MAP3K2: variants seen among roughly 807,000 people sequenced by gnomAD.
The protein encoded by MAP3K2 is mitogen-activated protein kinase kinase kinase 2, also known as MAP/ERK kinase kinase 2.
Under a neutral mutation model 80.3 loss-of-function variants are expected in MAP3K2, and 24 were observed. That is an observed-to-expected ratio of 0.30 (90% CI 0.22 to 0.42). The LOEUF (loss-of-function observed/expected upper bound fraction) is 0.42, where lower values mean the gene tolerates loss of function less well. Among genes scored for constraint, MAP3K2 ranks in the 10% least tolerant of loss-of-function variants. MAP3K2 has a pLI of 1.00. For synonymous variants in MAP3K2, 244 were observed against 253.7 expected (o/e 0.96, Z 0.36); for missense variants, 608 against 750.1 (o/e 0.81, Z 2.21).
chr2:127,312,851 C>A (rs1685833881), intron 15 of MAP3K2, among the ~76,000 whole-genome samples: 1 of 151,776 alleles, frequency 6.6e-6, no homozygotes, highest in African/African-American at 2.4e-5. Flanking sequence ...AGTCCCAGCT[C>A]CTAGGGAAGA....
chr2:127,349,352 T>C (rs1573996935), intron 1 of MAP3K2, among the ~76,000 whole-genome samples: 1 of 152,106 alleles, frequency 6.6e-6, no homozygotes, highest in Non-Finnish European at 1.5e-5. Flanking sequence ...TGTTTTTTTA[T>C]ATGGCGTCTC....
intron 1 of MAP3K2, among the ~76,000 whole-genome samples, chr2:127,384,997 A>C (rs1482756356): frequency 6.6e-6 from 1 of 152,220 alleles, no homozygotes; most frequent in Non-Finnish European, 1.5e-5. Flanking sequence ...ATATTATTGA[A>C]GTAGCAACAA....
rs769495029 is a variant in MAP3K2, at chr2:127,318,163, T to G, written c.1194+6A>C. 31 of 1,579,154 alleles carry G rather than the reference T, an allele frequency of 2.0e-5. No homozygotes were observed. Among genetic ancestry groups the G allele is most frequent in the Non-Finnish European group, 2.6e-5 (30 of 1,166,830 alleles). On this transcript the variant is annotated splice_donor_region_variant and intron_variant, in intron 13 of 16. Coordinates refer to ENST00000682094, the MANE Select transcript of MAP3K2 (RefSeq NM_001371910.2). ...GTGACAAAGTAATTTGTGCAGTGAT[T>G]TTTACCTTGCTGGTCTCAGGACTAT...
In MAP3K2 at chr2:127,310,591, C is replaced by T. The variant is rs905271816; in HGVS notation, c.1457-1829G>A. On this transcript the variant is annotated intron_variant, in intron 15 of 16. Coordinates refer to ENST00000682094, the MANE Select transcript of MAP3K2 (RefSeq NM_001371910.2). This position sits in a 1 kb window ranked among gnomAD's most constrained non-coding sequence, Gnocchi z 4.8. ...GCTTAAGCCCAGAGGGCCAAGGCTG[C>T]GGTGAACTGAGATCATGCCACTGCA... 1.3e-5 allele frequency among the ~76,000 whole-genome samples: 2 copies of T among 152,222 alleles called. No individual in the cohort carries two copies. Among genetic ancestry groups the T allele is most frequent in the East Asian group, 1.9e-4 (1 of 5,184 alleles).
intron 1 of MAP3K2, among the ~76,000 whole-genome samples, chr2:127,343,507 C>A (rs890763816): frequency 6.6e-6 from 1 of 152,102 alleles, no homozygotes; most frequent in African/African-American, 2.4e-5. Flanking sequence ...CAGCCAAAGG[C>A]TAACTCCTAA....
At chr2:127,338,056 T>A (rs182787264) in intron 3 of MAP3K2, among the ~76,000 whole-genome samples, 4 of 152,196 alleles carry the variant, frequency 2.6e-5, no homozygotes, top group African/African-American at 9.7e-5. Context: ...GATCCTGTTA[T>A]GGGAAATACA....
At chr2:127,373,841 C>T (rs1237791190) in intron 1 of MAP3K2, among the ~76,000 whole-genome samples, 1 of 152,174 alleles carries the variant, frequency 6.6e-6, no homozygotes, top group Non-Finnish European at 1.5e-5. Context: ...ACCCTGATAT[C>T]ATCAGGATTC....
chr2:127,304,778 C>A lies in MAP3K2; in HGVS notation c.*2801G>T, dbSNP rs1010412245. 1.3e-5 allele frequency: 2 copies of A among 152,458 alleles called. No individual in the cohort carries two copies. The highest frequency in any genetic ancestry group is 4.1e-4 in the South Asian group (2 of 4,826). The allele number at this position is 152,458 out of a possible 1,614,324, so 9.4% of individuals were successfully genotyped here. A position where few individuals can be genotyped will look rare whatever the true frequency, so the allele number is the denominator to read the frequency against. ...TTTCTTTTTTAAATTTACTTTTGGT[C>A]TTCCATACCCTCCACCCCCACACCT... On this transcript the variant is annotated 3_prime_UTR_variant, in exon 17 of 17. Coordinates refer to ENST00000682094, the MANE Select transcript of MAP3K2 (RefSeq NM_001371910.2).
upstream of MAP3K2, chr2:127,388,044 C>G (rs972925482): frequency 9.2e-6 from 9 of 983,094 alleles, no homozygotes; most frequent in Admixed American, 1.2e-4. Flanking sequence ...CCGGCGGTAG[C>G]GGAACCCGCC....
In MAP3K2 at chr2:127,308,822, A is replaced by G. The variant is rs1269096000; in HGVS notation, c.1457-60T>C. On this transcript the variant is annotated intron_variant, in intron 15 of 16. Coordinates refer to ENST00000682094, the MANE Select transcript of MAP3K2 (RefSeq NM_001371910.2). ...TATTGGCAGTCTCGAATATAGCATA[A>G]AAGAACAATGGCAGAGAATTACTTC... 15 of 1,520,884 alleles carry G rather than the reference A, an allele frequency of 9.9e-6. No individual in the cohort carries two copies. In the African/African-American group the frequency reaches 1.1e-4, roughly 11 times the overall value. The allele number at this position is 1,520,884 out of a possible 1,614,324, so 94.2% of individuals were successfully genotyped here.
At position 127,325,770 on chromosome 2, in the gene MAP3K2, G is replaced by A. The variant is rs1167257235; in HGVS notation, c.635C>T (p.Ser212Phe). ...DPLSLSSPEN[S>F]GSGSCPSLDS... The stretch of plus-strand genomic sequence containing the variant: ...AAGTGATGGACAACTTCCTGAGCCA[G>A]AATTTTCAGGGCTGCTTAAAGATAA... Residue 212 changes from serine to phenylalanine, a missense_variant, in exon 9 of 17, where the codon TCT becomes TTT. Transcript: ENST00000682094. 4 of 1,613,434 alleles carry A rather than the reference G, an allele frequency of 2.5e-6. No individual in the cohort carries two copies. The highest frequency in any genetic ancestry group is 3.4e-6 in the Non-Finnish European group (4 of 1,179,598).
chr2:127,370,862 G>A (rs1032214846), intron 1 of MAP3K2, among the ~76,000 whole-genome samples: 3 of 152,130 alleles, frequency 2.0e-5, no homozygotes, highest in African/African-American at 4.8e-5. Flanking sequence ...CCTCAGCCCC[G>A]CTATCACCGG....
chr2:127,388,215 C>G (rs1250224342), upstream of MAP3K2: 3 of 983,744 alleles, frequency 3.0e-6, no homozygotes, highest in Non-Finnish European at 3.6e-6. Flanking sequence ...CCGGGGCAGC[C>G]TGTGCTGTTC....
At chr2:127,350,668 GT>G (rs1267912467) in intron 1 of MAP3K2, among the ~76,000 whole-genome samples, 2 of 152,030 alleles carry the variant, frequency 1.3e-5, no homozygotes, top group Admixed American at 1.3e-4. Flanking sequence ...GCTAAAGCTA[GT>G]GGATGAAAAG....
intron 1 of MAP3K2, 22 bp downstream of exon 1, chr2:127,387,430 G>GCGCA (rs1327199141): frequency 7.1e-6 from 5 of 700,996 alleles, no homozygotes; most frequent in Non-Finnish European, 8.0e-6. Context: ...ACAAGCGCGC[G>GCGCA]CGCACGCACA....
chr2:127,378,981 G>GTTTTTTTTTTT lies in MAP3K2; in HGVS notation c.-66+8460_-66+8470dup, dbSNP rs58961718. Among the ~76,000 whole-genome samples the GTTTTTTTTTTT allele has an allele frequency of 2.3e-5, 2 of 88,046 alleles. 1 individual carries two copies. The highest frequency in any genetic ancestry group is 9.0e-5 in the African/African-American group (2 of 22,344). 57.8% of individuals were successfully genotyped at this position (88,046 alleles called of 152,430 possible). ...GGCTAATTTTGTGGGGTTTTTTGTT[G>GTTTTTTTTTTT]TTTTTTTTTTTTTTTTTTTTTGGAG... On this transcript the variant is annotated intron_variant, in intron 1 of 16. Coordinates refer to ENST00000682094, the MANE Select transcript of MAP3K2 (RefSeq NM_001371910.2).
intron 8 of MAP3K2, among the ~76,000 whole-genome samples, chr2:127,326,302 A>G (rs1205689904): frequency 1.5e-5 from 1 of 65,648 alleles, no homozygotes; most frequent in East Asian, 1.0e-3. Context: ...ACATTTTAAT[A>G]CTATAAAATT....
intron 12 of MAP3K2, among the ~76,000 whole-genome samples, chr2:127,319,055 G>A (rs1685961822): frequency 6.6e-6 from 1 of 152,100 alleles, no homozygotes; most frequent in Admixed American, 6.5e-5. Flanking sequence ...ACCAGGGAAA[G>A]CCTCCCTTGG....
chr2:127,387,429 C>T, intron 1 of MAP3K2, 23 bp downstream of exon 1: 1 of 920,646 alleles, frequency 1.1e-6, no homozygotes, highest in Non-Finnish European at 1.3e-6. Flanking sequence ...CACAAGCGCG[C>T]GCGCACGCAC....
Sources: gnomAD v4.1 joint callset for allele counts (sites outside exome capture counted in the v4.1 genomes callset) on GRCh38, gnomAD v4.1.1 for gene constraint, Gnocchi (gnomAD v3.1) non-coding constraint, MANE v1.5 for transcripts, NCBI Gene and HGNC (gene_info 2026-07-23, HGNC 2026-07-21) for gene names.